The following CCDC40 variants were observed in gnomAD, a reference collection of about 807,000 sequenced individuals.
The protein encoded by CCDC40 is coiled-coil domain-containing protein 40.
In CCDC40, 104 loss-of-function variants were observed where a neutral mutation model predicts 124.5. The ratio of observed to expected loss-of-function variants is 0.84; its 90% CI spans 0.71 to 0.98. The LOEUF is 0.98. Ranked by LOEUF, CCDC40 falls within the 50% of genes least tolerant of loss-of-function variation. The pLI is 0.00. For missense variants in CCDC40, 1,463 were observed against 1,503.9 expected (o/e 0.97, Z 0.45); for synonymous variants, 580 against 602.9 (o/e 0.96, Z 0.56).
intron 10 of CCDC40, among the ~76,000 whole-genome samples, chr17:80,068,967 G>C (rs1388403307): frequency 6.6e-6 from 1 of 152,234 alleles, no homozygotes; most frequent in Admixed American, 6.5e-5. Flanking sequence ...TCTGCTTCCT[G>C]CTTCTTCCCC....
chr17:80,082,545 C>T (rs1431604721), intron 12 of CCDC40, among the ~76,000 whole-genome samples: 1 of 152,172 alleles, frequency 6.6e-6, no homozygotes, highest in Non-Finnish European at 1.5e-5. Context: ...CTACCACAGG[C>T]TCCACCATTT....
At chr17:80,059,869 G>C (rs942738197) in intron 9 of CCDC40, among the ~76,000 whole-genome samples, 1 of 152,102 alleles carries the variant, frequency 6.6e-6, no homozygotes, top group African/African-American at 2.4e-5. Flanking sequence ...CAATGAAAAA[G>C]AAGGAAGAGG....
chr17:80,046,255 T>C (rs2037417336), intron 3 of CCDC40, among the ~76,000 whole-genome samples: 1 of 152,068 alleles, frequency 6.6e-6, no homozygotes, highest in Non-Finnish European at 1.5e-5. Context: ...TCAGAAGTGG[T>C]TCCCCCAGCT....
intron 17 of CCDC40, among the ~76,000 whole-genome samples, chr17:80,094,135 G>T (rs886565654): frequency 6.6e-6 from 1 of 151,988 alleles, no homozygotes; most frequent in Non-Finnish European, 1.5e-5. Context: ...GTTTGGGCTG[G>T]GTGCGGTGGC....
chr17:80,099,232 A>C (rs544957728), intron 19 of CCDC40, among the ~76,000 whole-genome samples: 2 of 151,808 alleles, frequency 1.3e-5, no homozygotes, highest in East Asian at 3.9e-4. Flanking sequence ...CGGAGCTTGC[A>C]GTGAGCCGAG....
Position 80,050,268 on chromosome 17 carries a change from G to A in CCDC40, c.1144G>A (p.Glu382Lys), listed in dbSNP as rs2289532. ...CACCAAGACCTGCGCAGCCGCCAAC[G>A]AGGAGCGCAAAAAGTGTAAGGCAAC... ...LYTKTCAAAN[E>K]ERKKLAALQT... The change falls in exon 7 of 20, where the codon GAG becomes AAG. Residue 382 changes from glutamate to lysine, a missense_variant. Transcript: ENST00000397545. 8.5e-4 allele frequency: 1,328 copies of A among 1,566,090 alleles called. 18 individuals are homozygous for A. The East Asian group carries it at 0.028, about 33-fold the overall frequency.
chr17:80,048,116 G>A (rs966286656), intron 4 of CCDC40, among the ~76,000 whole-genome samples: 4 of 152,220 alleles, frequency 2.6e-5, no homozygotes, highest in Non-Finnish European at 5.9e-5. Context: ...AAAAATTACC[G>A]GGCGTGGTGG....
intron 7 of CCDC40, among the ~76,000 whole-genome samples, chr17:80,051,628 C>CAAAAAAAA (rs200887220): frequency 5.2e-4 from 49 of 94,130 alleles, no homozygotes; most frequent in African/African-American, 1.7e-3. Context: ...GACTCCGTCT[C>CAAAAAAAA]AAAAAAAAAA....
At chr17:80,065,884 A>C (rs537031135) in intron 10 of CCDC40, among the ~76,000 whole-genome samples, 19 of 152,352 alleles carry the variant, frequency 1.2e-4, no homozygotes, top group African/African-American at 4.3e-4. Context: ...GTAAAGAGAA[A>C]GCTATCTTTG....
Position 80,066,413 on chromosome 17 carries a change from T to C in CCDC40, c.1562+807T>C. 1 of 537,576 alleles carries C rather than the reference T, an allele frequency of 1.9e-6. No individual in the cohort carries two copies. The highest frequency in any genetic ancestry group is 3.3e-6 in the Non-Finnish European group (1 of 302,308). 33.3% of individuals were successfully genotyped at this position (537,576 alleles called of 1,614,324 possible). ...GAAACAAAATGAAACCATTTTGTTT[T>C]TAAAAGTTTTTAGACCAAAACATTT... On this transcript the variant is annotated intron_variant, in intron 10 of 19. Transcript: ENST00000397545. The surrounding 1 kb of genome is among the most constrained non-coding windows in gnomAD (Gnocchi z 4.4).
At chr17:80,048,153 G>A (rs936032773) in intron 4 of CCDC40, among the ~76,000 whole-genome samples, 1 of 152,076 alleles carries the variant, frequency 6.6e-6, no homozygotes, top group Non-Finnish European at 1.5e-5. Flanking sequence ...CCAGCTGCTC[G>A]GGAGGCTGAG....
chr17:80,059,143 T>C (rs1440572059), intron 9 of CCDC40, among the ~76,000 whole-genome samples, 163 bp downstream of exon 9: 1 of 152,136 alleles, frequency 6.6e-6, no homozygotes, highest in Non-Finnish European at 1.5e-5. Context: ...GGGGCCACAG[T>C]AGATACTGAC....
chr17:80,099,857 G>C lies in CCDC40; in HGVS notation c.*82G>C, dbSNP rs2038888452. The C allele has an allele frequency of 1.4e-5, 22 of 1,526,854 alleles. No individual in the cohort carries two copies. The South Asian group carries it at 1.8e-4, about 13-fold the overall frequency. The allele number at this position is 1,526,854 out of a possible 1,614,324, so 94.6% of individuals were successfully genotyped here. A position where few individuals can be genotyped will look rare whatever the true frequency, so the allele number is the denominator to read the frequency against. ...TGTCATGAGGGACTTGGAATCTTTT[G>C]TGTTCCTAAAAACCACATGTACCCT... On this transcript the variant is annotated 3_prime_UTR_variant, in exon 20 of 20. Transcript: ENST00000397545.
chr17:80,056,276 C>T (rs1200212915), intron 7 of CCDC40, among the ~76,000 whole-genome samples: 3 of 151,682 alleles, frequency 2.0e-5, no homozygotes, highest in South Asian at 2.1e-4. Flanking sequence ...CTCGGTTCCT[C>T]GCTTGCTGTC....
In CCDC40 at chr17:80,050,260, C is replaced by A. The variant is rs976460197; in HGVS notation, c.1136C>A (p.Ala379Asp). 1 of 1,576,200 alleles carries A rather than the reference C, an allele frequency of 6.3e-7. No individual in the cohort carries two copies. Among genetic ancestry groups the A allele is most frequent in the Non-Finnish European group, 8.6e-7 (1 of 1,162,530 alleles). ...GCTCTCTACACCAAGACCTGCGCAG[C>A]CGCCAACGAGGAGCGCAAAAAGTGT... ...ARALYTKTCA[A>D]ANEERKKLAA... Residue 379 changes from alanine (A) to aspartate (D), a missense_variant, in exon 7 of 20, where the codon GCC becomes GAC. Physicochemically the swap from Ala to Asp is moderately radical, Grantham distance 126. Coordinates refer to ENST00000397545, the MANE Select transcript of CCDC40 (RefSeq NM_017950.4).
rs373744833 is a variant in CCDC40 at position 80,084,758 on chromosome 17, A to G, written c.2005A>G (p.Lys669Glu). Residue 669 changes from lysine to glutamate, a missense_variant, in exon 13 of 20, where the codon AAA becomes GAA. Physicochemically the swap from Lys to Glu is moderately conservative, Grantham distance 56. Transcript: ENST00000397545. ...EKTNMMTHLS[K>E]INGDIAQTTL... Reference sequence around the variant, plus strand: ...ATCAATTCAGATGACACATCTTTCCAAAATCAACGGTGACATTGCCCAGAC... The same window carrying G: ...ATCAATTCAGATGACACATCTTTCCGAAATCAACGGTGACATTGCCCAGAC... 6.2e-6 allele frequency: 10 copies of G among 1,614,062 alleles called. No homozygotes were observed. The highest frequency in any genetic ancestry group is 8.5e-6 in the Non-Finnish European group (10 of 1,180,026).
At chr17:80,067,452 G>A (rs768743217) in intron 10 of CCDC40, 11 of 756,872 alleles carry the variant, frequency 1.5e-5, no homozygotes, top group Admixed American at 2.0e-5. Context: ...CTTGCTCCGT[G>A]GGAGCACACC....
intron 10 of CCDC40, 41 bp from the exon 11 acceptor site, chr17:80,081,505 T>A (rs1295536740): frequency 3.7e-6 from 6 of 1,612,796 alleles, no homozygotes; most frequent in Non-Finnish European, 5.1e-6. Flanking sequence ...GGCTCTCTGA[T>A]GTCTCACACG....
rs193088310 is a variant in CCDC40, at chr17:80,082,089, G to A, written c.1989+31G>A. ...CCCCTGCCCCAGGGAGGGGCTGTGC[G>A]AAGCCCCCTGCAGCCTGGGCATATG... On this transcript the variant is annotated intron_variant, in intron 12 of 19. Coordinates refer to ENST00000397545, the MANE Select transcript of CCDC40 (RefSeq NM_017950.4). 7.3e-4 allele frequency: 1,165 copies of A among 1,601,082 alleles called. 11 individuals are homozygous for A. The African/African-American group carries it at 0.014, about 19-fold the overall frequency.
Sources: gnomAD v4.1 joint callset for allele counts (sites outside exome capture counted in the v4.1 genomes callset) on GRCh38, gnomAD v4.1.1 for gene constraint, Gnocchi (gnomAD v3.1) non-coding constraint, MANE v1.5 for transcripts, NCBI Gene and HGNC (gene_info 2026-07-23, HGNC 2026-07-21) for gene names.